The following SLFN12L variants were observed in gnomAD, a reference collection of about 807,000 sequenced individuals.
SLFN12L encodes the protein schlafen family member 12-like.
SLFN12L carries 34 observed loss-of-function variants against 34.8 expected under a neutral mutation model. The observed-to-expected ratio is 0.98, with a 90% CI of 0.74 to 1.30. SLFN12L has a LOEUF of 1.30. SLFN12L is among the 50% of genes most tolerant of loss of function. The probability of loss-of-function intolerance (pLI) is 0.00; values close to 1 mark genes in which losing one functional copy is unlikely to be tolerated. For missense variants in SLFN12L, 703 were observed against 696.2 expected (o/e 1.01, Z -0.11); for synonymous variants, 259 against 247.5 (o/e 1.05, Z -0.44).
chr17:35,490,380 CAAG>C (rs1914787573), intron 2 of SLFN12L: 10 of 1,315,856 alleles, frequency 7.6e-6, no homozygotes, highest in Non-Finnish European at 1.1e-5. Context: ...ATCTGCTCAC[CAAG>C]AAGTTCATTC....
At chr17:35,488,931 G>A (rs1914721616) in intron 2 of SLFN12L, among the ~76,000 whole-genome samples, 1 of 151,936 alleles carries the variant, frequency 6.6e-6, no homozygotes, top group African/African-American at 2.4e-5. Flanking sequence ...TTAGCCGGGC[G>A]TGGTGGCACG....
chr17:35,524,182 C>A (rs922041699), intron 1 of SLFN12L, among the ~76,000 whole-genome samples: 3 of 152,168 alleles, frequency 2.0e-5, no homozygotes, highest in African/African-American at 7.2e-5. Context: ...TAGGAGATGG[C>A]ATCTATTATG....
At chr17:35,524,296 G>T (rs2072312181) in intron 1 of SLFN12L, among the ~76,000 whole-genome samples, 1 of 152,194 alleles carries the variant, frequency 6.6e-6, no homozygotes, top group East Asian at 1.9e-4. Flanking sequence ...TGTGGGTGCA[G>T]TGTCAGCAGA....
intron 3 of SLFN12L, among the ~76,000 whole-genome samples, chr17:35,478,751 C>A (rs934812605): frequency 2.0e-5 from 3 of 152,072 alleles, no homozygotes; most frequent in African/African-American, 4.8e-5. Flanking sequence ...GATGAAAGAG[C>A]AAGCAAGTAA....
At chr17:35,501,890 C>G (rs984187689) in intron 2 of SLFN12L, among the ~76,000 whole-genome samples, 8 of 151,962 alleles carry the variant, frequency 5.3e-5, no homozygotes, top group African/African-American at 1.9e-4. Flanking sequence ...AGACCACCCC[C>G]CACAGTGGTT....
chr17:35,479,493 A>G lies in SLFN12L; in HGVS notation c.789T>C (p.Ile263=), dbSNP rs1555539205. ...CAAATGCAGAAACATATTGAGGGAG[A>G]ATCTCTGTAATTCGTTGTAACAACT... is the stretch of plus-strand genomic sequence containing the variant. ...TEKLLQRITE[I]LPQYVSAFAN... Residue 263 remains isoleucine, a synonymous_variant, in exon 3 of 5, where the codon ATT becomes ATC. Transcript: ENST00000628453. The G allele has an allele frequency of 6.2e-7, 1 of 1,614,062 alleles. No homozygotes were observed. The highest frequency in any genetic ancestry group is 8.5e-7 in the Non-Finnish European group (1 of 1,180,034).
At position 35,522,795 on chromosome 17, in the gene SLFN12L, A is replaced by T. The variant is rs573614767; in HGVS notation, c.-431T>A. 3 of 1,547,714 alleles carry T rather than the reference A, an allele frequency of 1.9e-6. No individual in the cohort carries two copies. Among genetic ancestry groups the T allele is most frequent in the African/African-American group, 1.4e-5 (1 of 73,538 alleles). On this transcript the variant is annotated 5_prime_UTR_variant, in exon 2 of 5. Coordinates refer to ENST00000628453, the MANE Select transcript of SLFN12L (RefSeq NM_001363830.2). ...CTATGCTATCAGCAGAGCATCACAGATGACTCCTGGCTTCTCCTGCAAATT... is the reference window on the plus strand; with the variant it reads ...CTATGCTATCAGCAGAGCATCACAGTTGACTCCTGGCTTCTCCTGCAAATT...
In SLFN12L at chr17:35,474,310, C is replaced by A. The variant is rs567193787; in HGVS notation, c.*613G>T. On this transcript the variant is annotated 3_prime_UTR_variant, in exon 5 of 5. Coordinates refer to ENST00000628453, the MANE Select transcript of SLFN12L (RefSeq NM_001363830.2). ...TATTTCCTTTATAGTCAAATGACATCTTGGTATGGCAAAACATGTGTAGGT... is the reference window on the plus strand; with the variant it reads ...TATTTCCTTTATAGTCAAATGACATATTGGTATGGCAAAACATGTGTAGGT... The A allele has an allele frequency of 6.6e-6, 1 of 152,328 alleles. No homozygotes were observed. The highest frequency in any genetic ancestry group is 1.9e-4 in the East Asian group (1 of 5,194). 9.4% of individuals were successfully genotyped at this position (152,328 alleles called of 1,614,324 possible). A position where few individuals can be genotyped will look rare whatever the true frequency, so the allele number is the denominator to read the frequency against.
intron 1 of SLFN12L, among the ~76,000 whole-genome samples, chr17:35,530,410 G>A (rs2072383004): frequency 8.1e-5 from 1 of 12,314 alleles, no homozygotes; most frequent in African/African-American, 2.6e-4. Flanking sequence ...AGGAAGGAAG[G>A]AAGGAAGGAA....
intron 1 of SLFN12L, among the ~76,000 whole-genome samples, chr17:35,535,032 C>CA (rs2072445317): frequency 6.6e-6 from 1 of 152,152 alleles, no homozygotes; most frequent in African/African-American, 2.4e-5. Context: ...TACATTATCT[C>CA]ATTGCTTTCT....
In SLFN12L at chr17:35,478,187, T is replaced by C. The variant is rs926503848; in HGVS notation, c.1166-2A>G. 1 of 1,523,698 alleles carries C rather than the reference T, an allele frequency of 6.6e-7. No homozygotes were observed. The highest frequency in any genetic ancestry group is 8.9e-7 in the Non-Finnish European group (1 of 1,124,194). The allele number at this position is 1,523,698 out of a possible 1,614,324, so 94.4% of individuals were successfully genotyped here. A position where few individuals can be genotyped will look rare whatever the true frequency, so the allele number is the denominator to read the frequency against. ...CTGGAGAGGGCAGTTCCTCACATAC[T>C]ATGGAATAATGTTAGAAAACAAAAA... On this transcript the variant is annotated splice_acceptor_variant, in intron 3 of 4. Transcript: ENST00000628453. LOFTEE classifies it high-confidence loss of function.
intron 1 of SLFN12L, among the ~76,000 whole-genome samples, chr17:35,537,142 T>A (rs2072469995): frequency 6.6e-6 from 1 of 151,926 alleles, no homozygotes; most frequent in South Asian, 2.1e-4. Flanking sequence ...ATCGCACCAC[T>A]GCACGACAGC....
chr17:35,515,330 T>TA (rs1400660805), intron 2 of SLFN12L: 2 of 352,906 alleles, frequency 5.7e-6, no homozygotes, highest in East Asian at 1.3e-4. Flanking sequence ...TTCTGAAGAT[T>TA]AAAATCGTTA....
At chr17:35,483,723 G>C (rs1914455002) in intron 2 of SLFN12L, among the ~76,000 whole-genome samples, 1 of 152,150 alleles carries the variant, frequency 6.6e-6, no homozygotes, top group Non-Finnish European at 1.5e-5. Flanking sequence ...AAAACCTAAA[G>C]ACTGTAGGTT....
At chr17:35,518,675 G>A (rs1293732620) in intron 2 of SLFN12L, among the ~76,000 whole-genome samples, 5 of 151,918 alleles carry the variant, frequency 3.3e-5, no homozygotes, top group African/African-American at 9.7e-5. Context: ...TTAGAATGAC[G>A]ATTATTAAAA....
chr17:35,491,050 A>G lies in SLFN12L; in HGVS notation c.87-10855T>C, dbSNP rs979209208. The G allele has an allele frequency of 6.9e-5, 54 of 785,692 alleles. No individual in the cohort carries two copies. In the African/African-American group the frequency reaches 8.3e-4, roughly 12 times the overall value. 48.7% of individuals were successfully genotyped at this position (785,692 alleles called of 1,614,324 possible). On this transcript the variant is annotated intron_variant, in intron 2 of 4. Coordinates refer to ENST00000628453, the MANE Select transcript of SLFN12L (RefSeq NM_001363830.2). ...ACCTCTTACAGCAGACTGCGGACCAAATTCCTTCTAATCCTCTAGTATGAC... is the reference window on the plus strand; with the variant it reads ...ACCTCTTACAGCAGACTGCGGACCAGATTCCTTCTAATCCTCTAGTATGAC...
chr17:35,464,837 G>A lies in SLFN12L; in HGVS notation c.*10086C>T, dbSNP rs1040256655. ...ATATAACAAAAAGATAGCTAAGGTC[G>A]TGATTGGGTTTAGAACTGTAAGGTT... On this transcript the variant is annotated 3_prime_UTR_variant, in exon 5 of 5. Transcript: ENST00000628453. 3.9e-5 allele frequency among the ~76,000 whole-genome samples: 6 copies of A among 152,100 alleles called. No individual in the cohort carries two copies. The highest frequency in any genetic ancestry group is 1.4e-4 in the African/African-American group (6 of 41,406).
At chr17:35,482,781 C>G (rs1365423572) in intron 2 of SLFN12L, among the ~76,000 whole-genome samples, 1 of 152,102 alleles carries the variant, frequency 6.6e-6, no homozygotes, top group Non-Finnish European at 1.5e-5. Flanking sequence ...GGCGGCGGGT[C>G]CCCAGTAGGG....
chr17:35,485,501 C>T lies in SLFN12L; in HGVS notation c.87-5306G>A, dbSNP rs141457424. Among the ~76,000 whole-genome samples the T allele has an allele frequency of 5.9e-5, 9 of 152,262 alleles. No homozygotes were observed. In the East Asian group the frequency reaches 1.7e-3, roughly 29 times the overall value. On this transcript the variant is annotated intron_variant, in intron 2 of 4. Coordinates refer to ENST00000628453, the MANE Select transcript of SLFN12L (RefSeq NM_001363830.2). Reference sequence around the variant, plus strand: ...TCTGTTTACTCTGTTGAGACTTTTGCTGTGCAGACGCTGTTTAGTTAAGTC... The same window carrying T: ...TCTGTTTACTCTGTTGAGACTTTTGTTGTGCAGACGCTGTTTAGTTAAGTC...
Sources: gnomAD v4.1 joint callset for allele counts (sites outside exome capture counted in the v4.1 genomes callset) on GRCh38, gnomAD v4.1.1 for gene constraint, MANE v1.5 for transcripts, NCBI Gene and HGNC (gene_info 2026-07-23, HGNC 2026-07-21) for gene names.